Variants in NKAIN3 observed in about 807,000 individuals in gnomAD.
NKAIN3 encodes sodium/potassium-transporting ATPase subunit beta-1-interacting protein 3.
NKAIN3 carries 25 observed loss-of-function variants against 30.2 expected under a neutral mutation model. That is an observed-to-expected ratio of 0.83 (90% confidence interval 0.60 to 1.16). The LOEUF is 1.16. Ranked by LOEUF, NKAIN3 falls within the 50% of genes most tolerant of loss-of-function variation. The pLI is 0.00. For missense variants in NKAIN3, 225 were observed against 254.1 expected, an observed-to-expected ratio of 0.89 and a Z score of 0.78; for synonymous variants, 91 against 89.6, an observed-to-expected ratio of 1.02 and a Z score of -0.09.
At chr8:62,881,361 T>A (rs1417195295) in intron 4 of NKAIN3, among the ~76,000 whole-genome samples, 1 of 152,218 alleles carries the variant, frequency 6.6e-6, no homozygotes. Flanking sequence ...TTTTCCAGAA[T>A]GTTATGTAGC....
chr8:62,603,993 T>C (rs917052107), intron 3 of NKAIN3, among the ~76,000 whole-genome samples: 1 of 152,068 alleles, frequency 6.6e-6, no homozygotes, highest in African/African-American at 2.4e-5. Context: ...CAAGATACCC[T>C]TTGGTATGAA....
intron 4 of NKAIN3, among the ~76,000 whole-genome samples, chr8:62,765,925 A>T (rs1381066270): frequency 6.6e-6 from 1 of 152,174 alleles, no homozygotes; most frequent in Non-Finnish European, 1.5e-5. Context: ...TACTTTAAAA[A>T]TACAATTAAA....
rs547803647 is a variant in NKAIN3, at chr8:62,957,345, A to T, written c.603+3373A>T. On this transcript the variant is annotated intron_variant, in intron 6 of 6. Transcript: ENST00000623646. ...GAGACGGGGTTTCACCGTGTTAGCCAGGTTGGTCTCGATCTCCTGACCTTG... is the reference window on the plus strand; with the variant it reads ...GAGACGGGGTTTCACCGTGTTAGCCTGGTTGGTCTCGATCTCCTGACCTTG... Among the ~76,000 whole-genome samples the T allele has an allele frequency of 3.2e-4, 49 of 152,290 alleles. No individual in the cohort carries two copies. In the South Asian group the frequency reaches 9.3e-3, roughly 29 times the overall value.
At chr8:62,391,098 T>C (rs1817573130) in intron 1 of NKAIN3, among the ~76,000 whole-genome samples, 1 of 152,172 alleles carries the variant, frequency 6.6e-6, no homozygotes, top group Non-Finnish European at 1.5e-5. Context: ...TTTTGTGTCT[T>C]CCTCATGAAA....
At chr8:62,675,136 G>A (rs561538760) in intron 3 of NKAIN3, among the ~76,000 whole-genome samples, 48 of 152,252 alleles carry the variant, frequency 3.2e-4, no homozygotes, top group African/African-American at 1.1e-3. Flanking sequence ...TTATGAATAT[G>A]TAACCTACCT....
chr8:62,325,749 T>C (rs565772800), intron 1 of NKAIN3, among the ~76,000 whole-genome samples: 1 of 152,204 alleles, frequency 6.6e-6, no homozygotes, highest in East Asian at 1.9e-4. Context: ...TCTTGTTTGT[T>C]TGAAATTCAA....
chr8:62,260,443 A>G (rs1189894945), intron 1 of NKAIN3, among the ~76,000 whole-genome samples: 1 of 152,216 alleles, frequency 6.6e-6, no homozygotes, highest in African/African-American at 2.4e-5. Flanking sequence ...CTTTCAAATT[A>G]TAGTTTATGA....
chr8:62,741,416 AAGGAAGGCAGGC>A lies in NKAIN3; in HGVS notation c.274-5514_274-5503del, dbSNP rs796177769. 9.6e-3 allele frequency among the ~76,000 whole-genome samples: 1,234 copies of A among 128,376 alleles called. 19 individuals are homozygous for A. The highest frequency in any genetic ancestry group is 0.032 in the African/African-American group (994 of 30,944). 84.2% of individuals were successfully genotyped at this position (128,376 alleles called of 152,430 possible). A position where few individuals can be genotyped will look rare whatever the true frequency, so the allele number is the denominator to read the frequency against. On this transcript the variant is annotated intron_variant, in intron 3 of 6. Transcript: ENST00000623646. Reference sequence around the variant, plus strand: ...GAAGGAAGGAAGGAAGGAAGGAAGGAAGGAAGGCAGGCAAGCAAGCAAGCACACTCCAACCTT... The same window carrying A: ...GAAGGAAGGAAGGAAGGAAGGAAGGAAAGCAAGCAAGCACACTCCAACCTT...
intron 1 of NKAIN3, among the ~76,000 whole-genome samples, chr8:62,327,338 G>T (rs1815177094): frequency 6.6e-6 from 1 of 151,866 alleles, no homozygotes; most frequent in African/African-American, 2.4e-5. Context: ...CAATTTGTTT[G>T]TTTTTTCTTT....
intron 5 of NKAIN3, among the ~76,000 whole-genome samples, chr8:62,942,401 C>A (rs966922908): frequency 6.6e-6 from 1 of 150,742 alleles, no homozygotes; most frequent in Non-Finnish European, 1.5e-5. Flanking sequence ...GATGGAAACA[C>A]CCCATGCTCA....
At chr8:62,398,260 C>T (rs956435337) in intron 1 of NKAIN3, among the ~76,000 whole-genome samples, 2 of 152,190 alleles carry the variant, frequency 1.3e-5, no homozygotes, top group African/African-American at 4.8e-5. Flanking sequence ...GTGCCGGAGG[C>T]CATGGTGACC....
At chr8:62,292,369 G>A (rs937492666) in intron 1 of NKAIN3, among the ~76,000 whole-genome samples, 1 of 152,124 alleles carries the variant, frequency 6.6e-6, no homozygotes. Context: ...TGCAGTGGCT[G>A]GTACCAGTTG....
chr8:62,858,857 T>C (rs557354490), intron 4 of NKAIN3, among the ~76,000 whole-genome samples: 7 of 152,292 alleles, frequency 4.6e-5, no homozygotes, highest in African/African-American at 1.7e-4. Flanking sequence ...GCCATGGAAG[T>C]GGGACCCACA....
chr8:62,679,729 A>G (rs1361809904), intron 3 of NKAIN3, among the ~76,000 whole-genome samples: 1 of 152,076 alleles, frequency 6.6e-6, no homozygotes. Context: ...TCTCATGAGA[A>G]CTCATTCACT....
downstream of NKAIN3, among the ~76,000 whole-genome samples, chr8:62,987,764 C>T (rs899863039): frequency 6.6e-6 from 1 of 152,054 alleles, no homozygotes; most frequent in Non-Finnish European, 1.5e-5. Flanking sequence ...CTGCCCCTCC[C>T]AAATCTCATG....
At chr8:62,753,032 A>G (rs1406743339) in intron 4 of NKAIN3, among the ~76,000 whole-genome samples, 1 of 152,042 alleles carries the variant, frequency 6.6e-6, no homozygotes, top group Non-Finnish European at 1.5e-5. Context: ...TTATTTTGAG[A>G]GTTATTTTAA....
chr8:62,303,373 T>G (rs548638498), intron 1 of NKAIN3, among the ~76,000 whole-genome samples: 1 of 150,608 alleles, frequency 6.6e-6, no homozygotes, highest in South Asian at 2.1e-4. Context: ...ATCTCATGTA[T>G]TTTTAATGAG....
chr8:62,745,209 T>A (rs1356413240), intron 3 of NKAIN3, among the ~76,000 whole-genome samples: 3 of 152,198 alleles, frequency 2.0e-5, no homozygotes, highest in Non-Finnish European at 4.4e-5. Flanking sequence ...CATTTAGGTG[T>A]CTCCTTGGCA....
intron 1 of NKAIN3, among the ~76,000 whole-genome samples, chr8:62,463,259 A>G (rs1229206908): frequency 6.6e-6 from 1 of 152,204 alleles, no homozygotes; most frequent in Non-Finnish European, 1.5e-5. Flanking sequence ...GACTATAGTA[A>G]ATTTTGAATC....
Sources: allele counts gnomAD v4.1 joint callset (sites outside exome capture counted in the v4.1 genomes callset), GRCh38; gene constraint gnomAD v4.1.1; transcripts MANE v1.5; gene names NCBI Gene and HGNC (gene_info 2026-07-23, HGNC 2026-07-21).